The following SGCZ variants were observed in gnomAD, a reference collection of about 807,000 sequenced individuals.
SGCZ encodes zeta-sarcoglycan.
In SGCZ, 40 loss-of-function variants were observed where a neutral mutation model predicts 41.3. That is an observed-to-expected ratio of 0.97 (90% CI 0.75 to 1.26). SGCZ has a LOEUF of 1.26. Ranked by LOEUF, SGCZ falls within the 50% of genes most tolerant of loss-of-function variation. The pLI, the probability that SGCZ is intolerant of heterozygous loss-of-function variation, is 0.00. For missense variants in SGCZ, 552 were observed against 369.8 expected, an observed-to-expected ratio of 1.49 and a Z score of -4.04; for synonymous variants, 206 against 137.5, an observed-to-expected ratio of 1.50 and a Z score of -3.49.
At chr8:14,519,254 A>T (rs1802716670) in intron 2 of SGCZ, among the ~76,000 whole-genome samples, 1 of 152,082 alleles carries the variant, frequency 6.6e-6, no homozygotes, top group African/African-American at 2.4e-5. Flanking sequence ...CTTACCTACA[A>T]GTAACTACAG....
chr8:15,143,718 T>C (rs1012199238), intron 1 of SGCZ, among the ~76,000 whole-genome samples: 2 of 152,208 alleles, frequency 1.3e-5, no homozygotes, highest in South Asian at 2.1e-4. Context: ...TGTTTCCTTA[T>C]AATTTAGTTA....
chr8:15,197,040 T>G (rs1424183091), intron 1 of SGCZ, among the ~76,000 whole-genome samples: 3 of 152,324 alleles, frequency 2.0e-5, no homozygotes, highest in South Asian at 4.1e-4. Flanking sequence ...AAGCCAAGAC[T>G]CAGAAATGAC....
chr8:14,541,737 C>T (rs1414535833), intron 2 of SGCZ, among the ~76,000 whole-genome samples: 1 of 152,116 alleles, frequency 6.6e-6, no homozygotes, highest in Admixed American at 6.6e-5. Context: ...AACTAATTTA[C>T]ACTCCCATTA....
Position 14,088,435 on chromosome 8 carries a change from T to C in SGCZ, c.*2008A>G, listed in dbSNP as rs891856187. On this transcript the variant is annotated 3_prime_UTR_variant, in exon 8 of 8. Coordinates refer to ENST00000382080, the MANE Select transcript of SGCZ (RefSeq NM_139167.4). Reference sequence around the variant, plus strand: ...ATATGTCTTAAATTAAATTACTACATAATGTTTTCCTTAAAAGTCCATAAT... The same window carrying C: ...ATATGTCTTAAATTAAATTACTACACAATGTTTTCCTTAAAAGTCCATAAT... Among the ~76,000 whole-genome samples, 7 of 151,878 alleles carry C rather than the reference T, an allele frequency of 4.6e-5. No individual in the cohort carries two copies. The highest frequency in any genetic ancestry group is 6.6e-5 in the Admixed American group (1 of 15,212).
intron 2 of SGCZ, among the ~76,000 whole-genome samples, chr8:14,482,307 T>C (rs752387380): frequency 2.0e-5 from 3 of 152,218 alleles, no homozygotes; most frequent in Non-Finnish European, 4.4e-5. Context: ...TTCTACCTTT[T>C]ACGGAAAGCA....
intron 1 of SGCZ, among the ~76,000 whole-genome samples, chr8:15,116,633 T>C (rs895206575): frequency 7.2e-5 from 11 of 152,150 alleles, no homozygotes; most frequent in Non-Finnish European, 1.3e-4. Flanking sequence ...CCACAGGAAG[T>C]GAAATATGTA....
chr8:14,822,277 C>G (rs1287881620), intron 1 of SGCZ, among the ~76,000 whole-genome samples: 1 of 151,910 alleles, frequency 6.6e-6, no homozygotes, highest in Non-Finnish European at 1.5e-5. Flanking sequence ...ATAAACTTAT[C>G]CAAGGAGGTG....
At chr8:15,148,708 C>T (rs1332166225) in intron 1 of SGCZ, among the ~76,000 whole-genome samples, 8 of 152,272 alleles carry the variant, frequency 5.3e-5, no homozygotes, top group South Asian at 2.1e-4. Context: ...GACACTGATA[C>T]GAGTTCTCCA....
chr8:15,183,179 G>T (rs1458387243), intron 1 of SGCZ, among the ~76,000 whole-genome samples: 1 of 141,102 alleles, frequency 7.1e-6, no homozygotes, highest in Non-Finnish European at 1.5e-5. Context: ...TAAGTAGAAA[G>T]ATTACACTCT....
At chr8:14,777,361 T>C (rs1357236774) in intron 1 of SGCZ, among the ~76,000 whole-genome samples, 1 of 152,140 alleles carries the variant, frequency 6.6e-6, no homozygotes, top group Non-Finnish European at 1.5e-5. Context: ...GAAAGCTGAA[T>C]AAAAAAATAC....
intron 3 of SGCZ, among the ~76,000 whole-genome samples, chr8:14,302,538 C>G (rs777977515): frequency 2.0e-5 from 3 of 152,128 alleles, no homozygotes; most frequent in Non-Finnish European, 2.9e-5. Flanking sequence ...TGACCTACAC[C>G]CTCTCCGATT....
chr8:14,671,798 T>C (rs887884030), intron 1 of SGCZ, among the ~76,000 whole-genome samples: 5 of 152,184 alleles, frequency 3.3e-5, no homozygotes. Context: ...TTTCCAAAGA[T>C]ATATTTTAAT....
chr8:14,637,118 G>T (rs1357600132), intron 1 of SGCZ, among the ~76,000 whole-genome samples: 1 of 151,062 alleles, frequency 6.6e-6, no homozygotes, highest in East Asian at 2.0e-4. Flanking sequence ...TTTCCTTAAA[G>T]AATTTCTCAT....
chr8:15,018,654 A>T (rs1387148676), intron 1 of SGCZ, among the ~76,000 whole-genome samples: 1 of 152,192 alleles, frequency 6.6e-6, no homozygotes, highest in Non-Finnish European at 1.5e-5. Flanking sequence ...AAGGTAAGTG[A>T]TGAAGGCAAA....
At chr8:14,783,693 AGT>A in intron 1 of SGCZ, among the ~76,000 whole-genome samples, 1 of 152,152 alleles carries the variant, frequency 6.6e-6, no homozygotes, top group African/African-American at 2.4e-5. Flanking sequence ...TTCAGTGATC[AGT>A]TTAAGGGTTT....
intron 3 of SGCZ, among the ~76,000 whole-genome samples, chr8:14,316,693 G>C (rs6994254): frequency 0.053 from 8,003 of 151,744 alleles, 656 homozygotes; most frequent in African/African-American, 0.18. Flanking sequence ...GTGATTGGCT[G>C]TTTCACTTCT....
rs35421677 is a variant in SGCZ, at chr8:15,223,856, T to TTTTATTTATTTATTTATTTA, written c.39+13709_39+13728dup. Among the ~76,000 whole-genome samples, 894 of 149,780 alleles carry TTTTATTTATTTATTTATTTA rather than the reference T, an allele frequency of 6.0e-3. 8 individuals are homozygous for TTTTATTTATTTATTTATTTA. The highest frequency in any genetic ancestry group is 0.021 in the African/African-American group (841 of 40,660). ...GCCAGCGAAAAGCTCCTTTTTAAAT[T>TTTTATTTATTTATTTATTTA]TTTATTTATTTATTTATTTATTTAT... On this transcript the variant is annotated intron_variant, in intron 1 of 7. Transcript: ENST00000382080.
At chr8:14,180,060 T>C (rs890843511) in intron 4 of SGCZ, among the ~76,000 whole-genome samples, 1 of 152,126 alleles carries the variant, frequency 6.6e-6, no homozygotes, top group African/African-American at 2.4e-5. Flanking sequence ...ATGAGAATGG[T>C]ACCTGCAGGG....
At chr8:14,780,107 C>T (rs1015271874) in intron 1 of SGCZ, among the ~76,000 whole-genome samples, 1 of 152,074 alleles carries the variant, frequency 6.6e-6, no homozygotes, top group African/African-American at 2.4e-5. Flanking sequence ...GGCGCAGTGG[C>T]TCACGCCTGT....
Sources: gnomAD v4.1 joint callset for allele counts (sites outside exome capture counted in the v4.1 genomes callset) on GRCh38, gnomAD v4.1.1 for gene constraint, MANE v1.5 for transcripts, NCBI Gene and HGNC (gene_info 2026-07-23, HGNC 2026-07-21) for gene names.